The following CRPPA variants were observed in gnomAD, a reference collection of about 807,000 sequenced individuals.
CRPPA encodes the protein D-ribitol-5-phosphate cytidylyltransferase.
A neutral mutation model predicts 52.0 loss-of-function variants in CRPPA; 43 were observed. The observed-to-expected ratio is 0.83, with a 90% CI of 0.65 to 1.07. The LOEUF (loss-of-function observed/expected upper bound fraction) is 1.07. CRPPA is among the 50% of genes least tolerant of loss of function. The pLI is 0.00. For synonymous variants in CRPPA, 250 were observed against 203.5 expected (o/e 1.23, Z -1.94); for missense variants, 629 against 551.7 (o/e 1.14, Z -1.40).
intron 6 of CRPPA, 75 bp from the exon 7 acceptor site, chr7:16,259,087 A>C (rs370374480): frequency 4.8e-5 from 50 of 1,032,190 alleles, no homozygotes; most frequent in East Asian, 2.6e-4. Flanking sequence ...AAAGGAACAC[A>C]TAATTGCTAG....
chr7:16,239,467 A>C (rs1285375155), intron 8 of CRPPA, among the ~76,000 whole-genome samples: 1 of 151,616 alleles, frequency 6.6e-6, no homozygotes, highest in Non-Finnish European at 1.5e-5. Context: ...AATGATATTG[A>C]AAATACAATA....
chr7:16,100,249 G>A (rs1782017872), intron 9 of CRPPA, among the ~76,000 whole-genome samples: 1 of 152,128 alleles, frequency 6.6e-6, no homozygotes, highest in Non-Finnish European at 1.5e-5. Context: ...AGACTCAGCT[G>A]TAATGACTAC....
At chr7:16,178,338 C>T (rs1237826511) in intron 9 of CRPPA, among the ~76,000 whole-genome samples, 1 of 152,086 alleles carries the variant, frequency 6.6e-6, no homozygotes, top group African/African-American at 2.4e-5. Flanking sequence ...TTAGCGATTC[C>T]AGTACCATAT....
chr7:16,113,512 T>C (rs1202045401), intron 9 of CRPPA, among the ~76,000 whole-genome samples: 3 of 151,898 alleles, frequency 2.0e-5, no homozygotes, highest in African/African-American at 4.8e-5. Flanking sequence ...AGTAGATAAA[T>C]TGTAAGGAAA....
At chr7:16,141,867 G>C (rs1173410525) in intron 9 of CRPPA, among the ~76,000 whole-genome samples, 1 of 152,102 alleles carries the variant, frequency 6.6e-6, no homozygotes, top group Non-Finnish European at 1.5e-5. Context: ...CCTTGGGTCA[G>C]ACTGTCCTCT....
intron 3 of CRPPA, among the ~76,000 whole-genome samples, chr7:16,335,312 C>T (rs768903602): frequency 6.6e-6 from 1 of 152,080 alleles, no homozygotes; most frequent in Non-Finnish European, 1.5e-5. Context: ...GTATTTGTGC[C>T]ACTGCATTCA....
rs750893444 is a variant in CRPPA at position 16,258,495 on chromosome 7, AAAAAT to A, written c.1027-18_1027-14del. Reference sequence around the variant, plus strand: ...CAGAGGTTGTAACCTAAAAGACCAGAAAAATAAAAGGATATGAGAAGACGTTTTTA... The same window carrying A: ...CAGAGGTTGTAACCTAAAAGACCAGAAAAAGGATATGAGAAGACGTTTTTA... On this transcript the variant is annotated splice_polypyrimidine_tract_variant and intron_variant, in intron 7 of 9. Coordinates refer to ENST00000407010, the MANE Select transcript of CRPPA (RefSeq NM_001101426.4). The A allele has an allele frequency of 6.5e-7, 1 of 1,540,950 alleles. No homozygotes were observed. Among genetic ancestry groups the A allele is most frequent in the East Asian group, 2.3e-5 (1 of 43,966 alleles).
intron 8 of CRPPA, among the ~76,000 whole-genome samples, chr7:16,257,343 C>G (rs950858830): frequency 6.6e-6 from 1 of 152,080 alleles, no homozygotes; most frequent in African/African-American, 2.4e-5. Context: ...TTATCTCTAT[C>G]CTACAGAGCC....
intron 9 of CRPPA, among the ~76,000 whole-genome samples, chr7:16,169,583 G>C (rs1781135651): frequency 6.6e-6 from 1 of 152,188 alleles, no homozygotes; most frequent in Non-Finnish European, 1.5e-5. Context: ...AAATTGTAAG[G>C]CTTTAAATTC....
At chr7:16,247,837 T>G (rs1783321527) in intron 8 of CRPPA, 1 of 152,088 alleles carries the variant, frequency 6.6e-6, no homozygotes, top group South Asian at 2.1e-4. Flanking sequence ...TTAAAACTAG[T>G]TGTGAGAGAC....
At chr7:16,134,187 C>T (rs1167671280) in intron 9 of CRPPA, among the ~76,000 whole-genome samples, 2 of 124,920 alleles carry the variant, frequency 1.6e-5, no homozygotes, top group African/African-American at 5.2e-5. Context: ...CGCCTCGGCC[C>T]CCTAAAGTGC....
chr7:16,106,328 A>T (rs1213904000), intron 9 of CRPPA, among the ~76,000 whole-genome samples: 1 of 152,162 alleles, frequency 6.6e-6, no homozygotes, highest in Non-Finnish European at 1.5e-5. Flanking sequence ...CTGAGCAGCA[A>T]TTCTGCCTAA....
chr7:16,297,882 C>G (rs76048776), intron 5 of CRPPA, among the ~76,000 whole-genome samples: 2,611 of 152,302 alleles, frequency 0.017, 76 homozygotes, highest in African/African-American at 0.06. Flanking sequence ...TCCATCATCA[C>G]ATGAGCCAAT....
At chr7:16,418,851 C>T (rs1188519243) in intron 1 of CRPPA, among the ~76,000 whole-genome samples, 1 of 152,104 alleles carries the variant, frequency 6.6e-6, no homozygotes, top group Non-Finnish European at 1.5e-5. Context: ...TAGTGTCCGC[C>T]TATCTTAGAC....
intron 9 of CRPPA, among the ~76,000 whole-genome samples, chr7:16,107,959 A>G (rs1024789664): frequency 3.9e-5 from 6 of 152,058 alleles, no homozygotes; most frequent in African/African-American, 1.4e-4. Context: ...AAGATGTTCT[A>G]CATAAGCCTC....
At chr7:16,303,597 C>T (rs1034326828) in intron 4 of CRPPA, among the ~76,000 whole-genome samples, 9 of 148,706 alleles carry the variant, frequency 6.1e-5, no homozygotes, top group African/African-American at 9.9e-5. Context: ...ATAGGCAAAA[C>T]TTACATTTCA....
intron 1 of CRPPA, among the ~76,000 whole-genome samples, chr7:16,420,728 C>A (rs555286529): frequency 6.6e-6 from 1 of 152,194 alleles, no homozygotes; most frequent in East Asian, 1.9e-4. Flanking sequence ...GCGAGACTAT[C>A]CGCACAGCTT....
chr7:16,314,694 G>A (rs1785106097), intron 3 of CRPPA, among the ~76,000 whole-genome samples: 1 of 151,982 alleles, frequency 6.6e-6, no homozygotes, highest in Non-Finnish European at 1.5e-5. Context: ...TTCTAGGGTG[G>A]TAGGTTTCTT....
At chr7:16,095,091 A>G (rs1345160571) in intron 9 of CRPPA, among the ~76,000 whole-genome samples, 1 of 152,200 alleles carries the variant, frequency 6.6e-6, no homozygotes, top group African/African-American at 2.4e-5. Context: ...TCTCTGCGGC[A>G]TCCTCTGAAT....
Sources: allele counts gnomAD v4.1 joint callset (sites outside exome capture counted in the v4.1 genomes callset), GRCh38; gene constraint gnomAD v4.1.1; transcripts MANE v1.5; gene names NCBI Gene and HGNC (gene_info 2026-07-23, HGNC 2026-07-21).